DHRS3: variants seen among roughly 807,000 people sequenced by gnomAD.
The protein encoded by DHRS3 is dehydrogenase/reductase 3.
In DHRS3, 14 loss-of-function variants were observed where a neutral mutation model predicts 27.2. The observed-to-expected ratio is 0.52, with a 90% confidence interval of 0.34 to 0.81. DHRS3 has a LOEUF of 0.81. Ranked by LOEUF, DHRS3 falls within the 30% of genes least tolerant of loss-of-function variation. The pLI, the probability that DHRS3 is intolerant of heterozygous loss-of-function variation, is 0.01. For synonymous variants in DHRS3, 165 were observed against 175.9 expected (o/e 0.94, Z 0.49); for missense variants, 322 against 406.2 (o/e 0.79, Z 1.78).
chr1:12,607,854 T>C (rs1272414040), intron 1 of DHRS3, among the ~76,000 whole-genome samples: 3 of 151,776 alleles, frequency 2.0e-5, no homozygotes, highest in Non-Finnish European at 4.4e-5. Context: ...TATATGTGTG[T>C]GTGTGTATGT....
intron 1 of DHRS3, among the ~76,000 whole-genome samples, chr1:12,597,336 C>A (rs909993482): frequency 6.6e-6 from 1 of 152,190 alleles, no homozygotes; most frequent in Non-Finnish European, 1.5e-5. Context: ...CTCAGCCTTC[C>A]AAAGTGTTGG....
chr1:12,581,690 C>T (rs942216820), intron 1 of DHRS3, among the ~76,000 whole-genome samples: 1 of 152,176 alleles, frequency 6.6e-6, no homozygotes, highest in Non-Finnish European at 1.5e-5. Context: ...CGCACCTCCC[C>T]ACGATGTGTC....
chr1:12,598,532 G>C (rs868264174), intron 1 of DHRS3, among the ~76,000 whole-genome samples: 1 of 152,000 alleles, frequency 6.6e-6, no homozygotes, highest in African/African-American at 2.4e-5. Context: ...TTTGACACAC[G>C]CGTTTAGAGC....
chr1:12,572,010 G>T (rs550413763), intron 5 of DHRS3, among the ~76,000 whole-genome samples: 1 of 152,066 alleles, frequency 6.6e-6, no homozygotes, highest in African/African-American at 2.4e-5. Flanking sequence ...TTTGCAAAAA[G>T]GTAGAACAAT....
chr1:12,580,161 ACAGT>A (rs1646630848), intron 2 of DHRS3: 1 of 346,586 alleles, frequency 2.9e-6, no homozygotes, highest in African/African-American at 2.1e-5. Context: ...CACGTGCCAG[ACAGT>A]CAGGGTGGGT....
At position 12,594,603 on chromosome 1, in the gene DHRS3, G is replaced by A. The variant is rs1180254481; in HGVS notation, c.196-13937C>T. On this transcript the variant is annotated intron_variant, in intron 1 of 5. Transcript: ENST00000616661. This position sits in a 1 kb window ranked among gnomAD's most constrained non-coding sequence, Gnocchi z 4.1. ...TTGGTTAAAGTAACATTTTGGAAGA[G>A]ACCTGAGGGAAGTGAAGGAGGGAGC... Among the ~76,000 whole-genome samples the A allele has an allele frequency of 6.6e-6, 1 of 152,086 alleles. No homozygotes were observed. The highest frequency in any genetic ancestry group is 2.4e-5 in the African/African-American group (1 of 41,396).
chr1:12,580,040 G>T, intron 2 of DHRS3: 1 of 218,866 alleles, frequency 4.6e-6, no homozygotes, highest in African/African-American at 2.3e-5. Context: ...GGCTAATGCC[G>T]CACCAGGACT....
chr1:12,579,608 T>C (rs1317515461), intron 2 of DHRS3, among the ~76,000 whole-genome samples, 196 bp from the exon 3 acceptor site: 4 of 152,194 alleles, frequency 2.6e-5, no homozygotes, highest in African/African-American at 9.6e-5. Flanking sequence ...CCCAAGTAGC[T>C]GGGATTACAG....
At chr1:12,581,819 C>T (rs1237053370) in intron 1 of DHRS3, among the ~76,000 whole-genome samples, 1 of 152,172 alleles carries the variant, frequency 6.6e-6, no homozygotes, top group African/African-American at 2.4e-5. Flanking sequence ...GGGGGCTGAA[C>T]ACCGCCCAGA....
chr1:12,569,231 T>TCTCTCACACA (rs1557509331), intron 5 of DHRS3, among the ~76,000 whole-genome samples: 8 of 110,584 alleles, frequency 7.2e-5, no homozygotes, highest in Admixed American at 2.4e-4. Flanking sequence ...TCTCTCTCTC[T>TCTCTCACACA]CACACACACA....
chr1:12,615,602 G>A (rs1264834855), intron 1 of DHRS3, among the ~76,000 whole-genome samples: 1 of 152,156 alleles, frequency 6.6e-6, no homozygotes, highest in Non-Finnish European at 1.5e-5. Flanking sequence ...AAGAGACCCA[G>A]GACTTGGGCC....
chr1:12,588,817 G>A (rs542779708), intron 1 of DHRS3, among the ~76,000 whole-genome samples: 22 of 152,344 alleles, frequency 1.4e-4, no homozygotes, highest in South Asian at 1.2e-3. Context: ...CTCTGGGTGC[G>A]TCCCAGGAGG....
intron 1 of DHRS3, among the ~76,000 whole-genome samples, chr1:12,595,185 C>T (rs1307661686): frequency 1.3e-5 from 2 of 152,180 alleles, no homozygotes; most frequent in African/African-American, 4.8e-5. Flanking sequence ...CCACCTAGCG[C>T]AGCGGGGGTG....
At chr1:12,613,402 G>C (rs1179114979) in intron 1 of DHRS3, among the ~76,000 whole-genome samples, 1 of 152,198 alleles carries the variant, frequency 6.6e-6, no homozygotes, top group Non-Finnish European at 1.5e-5. Flanking sequence ...CCACACTCTA[G>C]GTCTTTATTC....
In DHRS3 at chr1:12,569,231, T is replaced by TCTCACACACACACA. The variant is rs1557509331; in HGVS notation, c.825-808_825-807insTGTGTGTGTGTGAG. On this transcript the variant is annotated intron_variant, in intron 5 of 5. Transcript: ENST00000616661. The stretch of plus-strand genomic sequence containing the variant: ...AAACTCTGTCCCCTCTCTCTCTCTC[T>TCTCACACACACACA]CACACACACACACACACACACACAC... 2.3e-3 allele frequency among the ~76,000 whole-genome samples: 254 copies of TCTCACACACACACA among 110,570 alleles called. 4 individuals carry two copies. The highest frequency in any genetic ancestry group is 0.016 in the East Asian group (75 of 4,664). 72.5% of individuals were successfully genotyped at this position (110,570 alleles called of 152,430 possible).
At chr1:12,613,294 T>C (rs1320311761) in intron 1 of DHRS3, among the ~76,000 whole-genome samples, 1 of 152,174 alleles carries the variant, frequency 6.6e-6, no homozygotes, top group African/African-American at 2.4e-5. Flanking sequence ...AGAGAATACA[T>C]TTTGTTGTAG....
In DHRS3 at chr1:12,617,410, A is replaced by G. The variant is rs1451435141; in HGVS notation, c.-62T>C. ...CCCGGGCCGAGCAATACAGGAATTA[A>G]AAAACACCCCGAACAATAAATAGTA... On this transcript the variant is annotated 5_prime_UTR_variant, in exon 1 of 6. Transcript: ENST00000616661. 1.3e-6 allele frequency: 2 copies of G among 1,519,166 alleles called. No individual in the cohort carries two copies. 94.1% of individuals were successfully genotyped at this position (1,519,166 alleles called of 1,614,324 possible).
chr1:12,606,344 C>T (rs1369854684), intron 1 of DHRS3, among the ~76,000 whole-genome samples: 1 of 140,132 alleles, frequency 7.1e-6, no homozygotes, highest in African/African-American at 2.6e-5. Context: ...ATACCATAGA[C>T]ATCTCCATTG....
chr1:12,569,704 T>C (rs1292666125), intron 5 of DHRS3, among the ~76,000 whole-genome samples: 1 of 152,178 alleles, frequency 6.6e-6, no homozygotes, highest in Non-Finnish European at 1.5e-5. Context: ...AAGCTGGAAT[T>C]ACAGGCATGC....
Sources: allele counts gnomAD v4.1 joint callset (sites outside exome capture counted in the v4.1 genomes callset), GRCh38; gene constraint gnomAD v4.1.1; non-coding constraint Gnocchi (gnomAD v3.1); transcripts MANE v1.5; gene names NCBI Gene and HGNC (gene_info 2026-07-23, HGNC 2026-07-21).